ENPP2: variants seen among roughly 807,000 people sequenced by gnomAD.
ENPP2 encodes ectonucleotide pyrophosphatase/phosphodiesterase 2.
A neutral mutation model predicts 120.2 loss-of-function variants in ENPP2; 51 were observed. The ratio of observed to expected loss-of-function variants is 0.42; its 90% CI spans 0.34 to 0.54. The LOEUF (loss-of-function observed/expected upper bound fraction) is 0.54, where lower values mean the gene tolerates loss of function less well. ENPP2 is among the 20% of genes least tolerant of loss of function. The probability of loss-of-function intolerance (pLI) is 0.04; values close to 1 mark genes in which losing one functional copy is unlikely to be tolerated. For synonymous variants in ENPP2, 365 were observed against 366.4 expected, an observed-to-expected ratio of 1.00 and a Z score of 0.04; for missense variants, 920 against 1,066.5, an observed-to-expected ratio of 0.86 and a Z score of 1.91.
At chr8:119,592,857 A>C (rs750363686) in intron 12 of ENPP2, 1 of 78,564 alleles carries the variant, frequency 1.3e-5, no homozygotes, top group South Asian at 4.0e-4. Context: ...TTTTTTTCTA[A>C]TTTCTCATAG....
At chr8:119,562,064 G>C (rs1244458099) in intron 24 of ENPP2, among the ~76,000 whole-genome samples, 8 of 151,930 alleles carry the variant, frequency 5.3e-5, no homozygotes, top group Non-Finnish European at 1.2e-4. Context: ...GTGAGCCCGG[G>C]AGGCGGAGCT....
upstream of ENPP2, among the ~76,000 whole-genome samples, chr8:119,639,654 GA>G (rs1817207552): frequency 6.6e-6 from 1 of 152,086 alleles, no homozygotes; most frequent in South Asian, 2.1e-4. Flanking sequence ...GGGGGAAGGG[GA>G]TGGCATGGGA....
upstream of ENPP2, among the ~76,000 whole-genome samples, chr8:119,639,429 C>T (rs571917736): frequency 2.0e-5 from 3 of 152,288 alleles, no homozygotes; most frequent in South Asian, 6.2e-4. Context: ...TTGTAACTAA[C>T]ATAAAAGATA....
chr8:119,564,503 C>A (rs1466699039), intron 23 of ENPP2, among the ~76,000 whole-genome samples: 35 of 151,836 alleles, frequency 2.3e-4, no homozygotes, highest in Non-Finnish European at 5.0e-4. Context: ...CATGGTGAAA[C>A]CCCGTCTCTG....
At chr8:119,649,625 C>T (rs1001849192) in intron 1 of ENPP2, among the ~76,000 whole-genome samples, 10 of 152,018 alleles carry the variant, frequency 6.6e-5, no homozygotes, top group African/African-American at 1.9e-4. Flanking sequence ...CGATGACCTA[C>T]GGGTTGGAAG....
chr8:119,586,963 GGGGAGGCACACACA>G, intron 14 of ENPP2, 67 bp downstream of exon 14: 1 of 1,192,480 alleles, frequency 8.4e-7, no homozygotes, highest in Non-Finnish European at 1.2e-6. Flanking sequence ...CTCCCCGCCG[GGGGAGGCACACACA>G]GGAGGGAGGC....
intron 12 of ENPP2, among the ~76,000 whole-genome samples, chr8:119,592,599 A>G (rs1334759897): frequency 8.8e-6 from 1 of 113,678 alleles, no homozygotes; most frequent in East Asian, 2.5e-4. Context: ...CATGACCTTT[A>G]CAATGCCTCA....
At chr8:119,666,887 C>T (rs1311699720) in intron 1 of ENPP2, among the ~76,000 whole-genome samples, 1 of 152,038 alleles carries the variant, frequency 6.6e-6, no homozygotes, top group Non-Finnish European at 1.5e-5. Context: ...AAGGGTATTC[C>T]TGACACAGGA....
At chr8:119,644,438 T>C (rs1477191781) in intron 1 of ENPP2, among the ~76,000 whole-genome samples, 1 of 151,586 alleles carries the variant, frequency 6.6e-6, no homozygotes, top group African/African-American at 2.4e-5. Flanking sequence ...ACCATATATA[T>C]ACTCAGTGAA....
intron 19 of ENPP2, among the ~76,000 whole-genome samples, chr8:119,575,050 A>T (rs896766296): frequency 2.6e-5 from 4 of 152,200 alleles, no homozygotes; most frequent in Non-Finnish European, 4.4e-5. Flanking sequence ...CCATCACATA[A>T]TATCTACTTG....
chr8:119,620,257 T>TA (rs957769790), intron 4 of ENPP2, among the ~76,000 whole-genome samples: 13 of 152,090 alleles, frequency 8.5e-5, no homozygotes, highest in Non-Finnish European at 1.2e-4. Flanking sequence ...CTTCTTTTTT[T>TA]AAAAAAAATT....
intron 2 of ENPP2, among the ~76,000 whole-genome samples, chr8:119,631,246 T>C (rs1400562115): frequency 1.6e-5 from 2 of 127,730 alleles, no homozygotes; most frequent in African/African-American, 6.1e-5. Flanking sequence ...AGACGGAGTC[T>C]TGCTCTGTCA....
At chr8:119,575,636 T>C (rs1343215176) in intron 19 of ENPP2, among the ~76,000 whole-genome samples, 1 of 152,222 alleles carries the variant, frequency 6.6e-6, no homozygotes, top group Non-Finnish European at 1.5e-5. Context: ...ATCTCAGCTC[T>C]TTATAGTTGT....
chr8:119,570,602 AT>A, intron 20 of ENPP2, 102 bp downstream of exon 20: 3 of 644,388 alleles, frequency 4.7e-6, no homozygotes, highest in Non-Finnish European at 7.7e-6. Flanking sequence ...TTAAGAAAAA[AT>A]AAAATATTTT....
At chr8:119,580,414 A>T (rs535482632) in intron 18 of ENPP2, 1 of 528,270 alleles carries the variant, frequency 1.9e-6, no homozygotes, top group Admixed American at 3.4e-5. Context: ...AACTGTGGAT[A>T]GTCACCACAG....
At chr8:119,651,565 T>A (rs1817625862) in intron 1 of ENPP2, among the ~76,000 whole-genome samples, 1 of 152,176 alleles carries the variant, frequency 6.6e-6, no homozygotes, top group African/African-American at 2.4e-5. Flanking sequence ...GGAATGGGAA[T>A]TTCAACTGTG....
At chr8:119,670,612 A>G (rs565895867) in intron 1 of ENPP2, among the ~76,000 whole-genome samples, 1 of 152,194 alleles carries the variant, frequency 6.6e-6, no homozygotes, top group Non-Finnish European at 1.5e-5. Flanking sequence ...GCTCTGGGGG[A>G]ACAAGAGAGG....
chr8:119,571,734 CCTTAAGT>C (rs1814998808), intron 19 of ENPP2: 1 of 153,094 alleles, frequency 6.5e-6, no homozygotes, highest in Non-Finnish European at 1.5e-5. Context: ...ATTCACAATT[CCTTAAGT>C]GATAAATTTA....
intron 1 of ENPP2, among the ~76,000 whole-genome samples, chr8:119,646,159 C>G (rs542905419): frequency 6.6e-6 from 1 of 151,852 alleles, no homozygotes; most frequent in Non-Finnish European, 1.5e-5. Flanking sequence ...TTAGTAGAGA[C>G]GGGGTTTCAC....
Sources: allele counts gnomAD v4.1 joint callset (sites outside exome capture counted in the v4.1 genomes callset), GRCh38; gene constraint gnomAD v4.1.1; transcripts MANE v1.5; gene names NCBI Gene and HGNC (gene_info 2026-07-23, HGNC 2026-07-21).